Variants in MBOAT1 observed in about 807,000 individuals in gnomAD.
MBOAT1 encodes membrane bound glycerophospholipid O-acyltransferase 1, also known as membrane-bound glycerophospholipid O-acyltransferase 1.
Under a neutral mutation model 64.4 loss-of-function variants are expected in MBOAT1, and 67 were observed. The ratio of observed to expected loss-of-function variants is 1.04; its 90% confidence interval spans 0.85 to 1.27. The LOEUF (loss-of-function observed/expected upper bound fraction) is 1.27. Among genes scored for constraint, MBOAT1 ranks in the 50% most tolerant of loss-of-function variants. MBOAT1 has a pLI of 0.00. For missense variants in MBOAT1, 563 were observed against 604.6 expected, an observed-to-expected ratio of 0.93 and a Z score of 0.72; for synonymous variants, 229 against 218.9, an observed-to-expected ratio of 1.05 and a Z score of -0.41.
chr6:20,185,007 T>C (rs1762611782), intron 1 of MBOAT1, among the ~76,000 whole-genome samples: 1 of 151,874 alleles, frequency 6.6e-6, no homozygotes, highest in South Asian at 2.1e-4. Flanking sequence ...ATCAGCACTT[T>C]GGGAGGCTGA....
intron 1 of MBOAT1, among the ~76,000 whole-genome samples, chr6:20,168,640 AGAGAG>A (rs1561773405): frequency 9.3e-5 from 5 of 53,758 alleles, no homozygotes; most frequent in African/African-American, 3.0e-4. Flanking sequence ...AGAGAAGAGA[AGAGAG>A]GAGAGGAGAG....
intron 4 of MBOAT1, among the ~76,000 whole-genome samples, chr6:20,132,551 C>T (rs1176906304): frequency 6.6e-6 from 1 of 152,082 alleles, no homozygotes; most frequent in Non-Finnish European, 1.5e-5. Context: ...ATGAGATGTA[C>T]ACATGAAAGA....
At chr6:20,128,096 C>T (rs1760714605) in intron 6 of MBOAT1, among the ~76,000 whole-genome samples, 1 of 152,098 alleles carries the variant, frequency 6.6e-6, no homozygotes, top group South Asian at 2.1e-4. Context: ...CCCGCCCCTC[C>T]ACCATGGCTG....
chr6:20,141,075 G>A (rs577079733), intron 4 of MBOAT1, among the ~76,000 whole-genome samples: 1 of 152,232 alleles, frequency 6.6e-6, no homozygotes, highest in South Asian at 2.1e-4. Context: ...GGAGGGGATG[G>A]CAACCAGGGA....
chr6:20,135,293 T>C (rs1395608875), intron 4 of MBOAT1, among the ~76,000 whole-genome samples: 2 of 151,972 alleles, frequency 1.3e-5, no homozygotes, highest in African/African-American at 4.8e-5. Context: ...GACAATGAAA[T>C]ATAATAGAAT....
At position 20,188,007 on chromosome 6, in the gene MBOAT1, T is replaced by C. The variant is rs139425778; in HGVS notation, c.99+24129A>G. ...CTCAAAAAAAAAGAGAGAGAAGAAC[T>C]GTAAGAGAGCACAGGTTTTCTACCT... On this transcript the variant is annotated intron_variant, in intron 1 of 12. Transcript: ENST00000324607. 1.6e-3 allele frequency among the ~76,000 whole-genome samples: 246 copies of C among 152,034 alleles called. 1 individual carries two copies. The highest frequency in any genetic ancestry group is 5.3e-3 in the African/African-American group (219 of 41,516).
intron 1 of MBOAT1, among the ~76,000 whole-genome samples, chr6:20,161,225 A>G (rs1761848012): frequency 6.6e-6 from 1 of 152,006 alleles, no homozygotes; most frequent in Admixed American, 6.6e-5. Context: ...CGCTCCTTAT[A>G]AGAATCGAAT....
rs544006962 is a variant in MBOAT1, at chr6:20,102,109, C to T, written c.*177G>A. 852 of 333,626 alleles carry T rather than the reference C, an allele frequency of 2.6e-3. 5 individuals are homozygous for T. The highest frequency in any genetic ancestry group is 0.022 in the African/African-American group (473 of 21,122). The allele number at this position is 333,626 out of a possible 1,614,324, so 20.7% of individuals were successfully genotyped here. On this transcript the variant is annotated 3_prime_UTR_variant, in exon 13 of 13. Coordinates refer to ENST00000324607, the MANE Select transcript of MBOAT1 (RefSeq NM_001080480.3). ...CAGCCTGGGCGACAGAGCGAGACTC[C>T]GTCTCAAAAAAAAAAAAAAAAAAAA...
chr6:20,137,953 T>G (rs1351254653), intron 4 of MBOAT1, among the ~76,000 whole-genome samples: 1 of 152,230 alleles, frequency 6.6e-6, no homozygotes, highest in Non-Finnish European at 1.5e-5. Flanking sequence ...ATATTTCAAC[T>G]GCAATAGTAG....
Position 20,151,262 on chromosome 6 carries a change from C to T in MBOAT1, c.246G>A (p.Trp82Ter). 1 of 1,607,496 alleles carries T rather than the reference C, an allele frequency of 6.2e-7. No homozygotes were observed. The highest frequency in any genetic ancestry group is 1.1e-5 in the South Asian group (1 of 90,884). The change falls in exon 3 of 13, where the codon TGG (tryptophan) becomes TGA (stop). Residue 82 changes from tryptophan to a stop codon, truncating the protein, a stop_gained and splice_region_variant. Transcript: ENST00000324607. LOFTEE classifies it high-confidence loss of function. ...GIYFVIFCFG[W>*]YSVHLFVLVL... ...CCAGCACAAAAAGATGCACAGAGTA[C>T]CTTTAAGACATAATAGTAGGGGGAG...
intron 3 of MBOAT1, among the ~76,000 whole-genome samples, chr6:20,146,918 G>A (rs1284420083): frequency 1.3e-5 from 2 of 152,132 alleles, no homozygotes; most frequent in African/African-American, 2.4e-5. Context: ...TGTCCCCACC[G>A]AAATCTCATC....
chr6:20,200,482 T>C (rs748403750), intron 1 of MBOAT1, among the ~76,000 whole-genome samples: 2 of 152,184 alleles, frequency 1.3e-5, no homozygotes, highest in Non-Finnish European at 2.9e-5. Flanking sequence ...GAATTCTGGA[T>C]AGTCTACTGC....
rs1201721531 is a variant in MBOAT1 at position 20,100,229 on chromosome 6, G to A, written c.*2057C>T. ...GTGAAACCTGATCATCAATCACATTGTAAATTCAAAGACTTCACTGTAATA... is the reference window on the plus strand; with the variant it reads ...GTGAAACCTGATCATCAATCACATTATAAATTCAAAGACTTCACTGTAATA... On this transcript the variant is annotated 3_prime_UTR_variant, in exon 13 of 13. Transcript: ENST00000324607. Among the ~76,000 whole-genome samples the A allele has an allele frequency of 1.3e-5, 2 of 152,144 alleles. No individual in the cohort carries two copies. The highest frequency in any genetic ancestry group is 2.4e-5 in the African/African-American group (1 of 41,428).
chr6:20,175,401 G>A (rs1762311840), intron 1 of MBOAT1, among the ~76,000 whole-genome samples: 1 of 151,830 alleles, frequency 6.6e-6, no homozygotes, highest in African/African-American at 2.4e-5. Context: ...TAGGACTAGA[G>A]GCACGAGCCA....
At chr6:20,122,943 T>C (rs903472059) in intron 8 of MBOAT1, among the ~76,000 whole-genome samples, 4 of 152,090 alleles carry the variant, frequency 2.6e-5, no homozygotes, top group African/African-American at 9.7e-5. Flanking sequence ...GTGATTCTAA[T>C]GCCTCAGCCT....
Position 20,099,733 on chromosome 6 carries a change from C to T in MBOAT1, c.*2553G>A, listed in dbSNP as rs1383812644. Among the ~76,000 whole-genome samples, 1 of 151,028 alleles carries T rather than the reference C, an allele frequency of 6.6e-6. No individual in the cohort carries two copies. Among genetic ancestry groups the T allele is most frequent in the East Asian group, 1.9e-4 (1 of 5,156 alleles). ...CAAAACCAGAAAGTGTATTTATTTT[C>T]AACTGAAAGCTCACATTCCAATAAG... On this transcript the variant is annotated 3_prime_UTR_variant, in exon 13 of 13. Transcript: ENST00000324607.
chr6:20,121,917 C>T (rs1239718671), intron 8 of MBOAT1, among the ~76,000 whole-genome samples: 1 of 152,134 alleles, frequency 6.6e-6, no homozygotes, highest in Admixed American at 6.5e-5. Flanking sequence ...GTAATCTCAG[C>T]ACTTTGGGAG....
At chr6:20,124,703 T>C in intron 7 of MBOAT1, 103 bp from the exon 8 acceptor site, 1 of 1,011,764 alleles carries the variant, frequency 9.9e-7, no homozygotes, top group Non-Finnish European at 1.5e-6. Flanking sequence ...CAACAGCTGC[T>C]TGGCATTATT....
Position 20,109,601 on chromosome 6 carries a change from T to TA in MBOAT1, c.1357dup (p.Tyr453LeufsTer38), listed in dbSNP as rs1561744950. On this transcript the variant is annotated frameshift_variant, in exon 12 of 13. Transcript: ENST00000324607. LOFTEE classifies it high-confidence loss of function. Reference sequence around the variant, plus strand: ...ACTGAGAACAACGGAAACTTACTTGTATAAGCTGATGGTCGGTTCAACTGC... The same window carrying TA: ...ACTGAGAACAACGGAAACTTACTTGTAATAAGCTGATGGTCGGTTCAACTGC... The TA allele has an allele frequency of 6.2e-7, 1 of 1,611,674 alleles. No individual in the cohort carries two copies. The highest frequency in any genetic ancestry group is 2.2e-5 in the East Asian group (1 of 44,820).
Sources: allele counts gnomAD v4.1 joint callset (sites outside exome capture counted in the v4.1 genomes callset), GRCh38; gene constraint gnomAD v4.1.1; transcripts MANE v1.5; gene names NCBI Gene and HGNC (gene_info 2026-07-23, HGNC 2026-07-21).